The following P2RY8 variants were observed in gnomAD, a reference collection of about 807,000 sequenced individuals.
The protein encoded by P2RY8 is S-geranylgeranyl-glutathione receptor P2RY8.
P2RY8 carries 6 observed loss-of-function variants against 10.0 expected under a neutral mutation model. The ratio of observed to expected loss-of-function variants is 0.60; its 90% confidence interval spans 0.33 to 1.19. P2RY8 has a LOEUF of 1.19. P2RY8 is among the 50% of genes most tolerant of loss of function. P2RY8 has a pLI of 0.04. For missense variants in P2RY8, 456 were observed against 542.0 expected, an observed-to-expected ratio of 0.84 and a Z score of 1.58; for synonymous variants, 276 against 252.5, an observed-to-expected ratio of 1.09 and a Z score of -0.88.
In P2RY8 at chrX:1,500,010, C is replaced by CCACT. The variant is rs1491139613; in HGVS notation, c.-24-33429_-24-33428insAGTG. 1.9e-3 allele frequency among the ~76,000 whole-genome samples: 187 copies of CCACT among 95,912 alleles called. 10 individuals carry two copies. Among genetic ancestry groups the CCACT allele is most frequent in the Admixed American group, 5.0e-3 (39 of 7,724 alleles). 62.9% of individuals were successfully genotyped at this position (95,912 alleles called of 152,430 possible). ...AGTAGCTGGGACTACAGGCGTGTAC[C>CCACT]ACCATGCCCAGCTAATTTTTTGTAT... is the stretch of plus-strand genomic sequence containing the variant. On this transcript the variant is annotated intron_variant, in intron 1 of 1. Coordinates refer to ENST00000381297, the MANE Select transcript of P2RY8 (RefSeq NM_178129.5).
chrX:1,466,868 TTCC>T (rs2091689229), intron 1 of P2RY8, among the ~76,000 whole-genome samples: 1 of 1,046 alleles, frequency 9.6e-4, no homozygotes, highest in South Asian at 0.083. Context: ...TCTTCCCTCC[TTCC>T]TTCCTTCCTT....
intron 1 of P2RY8, among the ~76,000 whole-genome samples, chrX:1,482,525 G>A (rs1419952308): frequency 2.6e-5 from 4 of 152,142 alleles, no homozygotes; most frequent in Non-Finnish European, 4.4e-5. Flanking sequence ...TTTAAAGATC[G>A]TTGCTCTAGA....
chrX:1,515,148 C>A (rs2092336160), intron 1 of P2RY8, among the ~76,000 whole-genome samples: 1 of 149,624 alleles, frequency 6.7e-6, no homozygotes, highest in South Asian at 2.1e-4. Context: ...TAACCTCAAA[C>A]AATCCACCCA....
chrX:1,514,012 G>T (rs2092319823), intron 1 of P2RY8, among the ~76,000 whole-genome samples: 1 of 152,208 alleles, frequency 6.6e-6, no homozygotes, highest in Admixed American at 6.5e-5. Flanking sequence ...CCAGGTTCCA[G>T]GGGGTTAGGG....
intron 1 of P2RY8, among the ~76,000 whole-genome samples, chrX:1,509,440 G>T (rs1175831522): frequency 8.2e-6 from 1 of 121,662 alleles, no homozygotes; most frequent in Non-Finnish European, 1.7e-5. Context: ...TATCATCTAT[G>T]TATCTATGTA....
At chrX:1,493,441 A>AGGAAGGAGGAGGAG (rs2092084128) in intron 1 of P2RY8, among the ~76,000 whole-genome samples, 1 of 17,904 alleles carries the variant, frequency 5.6e-5, no homozygotes, top group African/African-American at 1.6e-4. Flanking sequence ...GGAGGGAAGG[A>AGGAAGGAGGAGGAG]GGAGGAAGGA....
At chrX:1,531,628 G>C (rs1372554796) in intron 1 of P2RY8, among the ~76,000 whole-genome samples, 1 of 152,054 alleles carries the variant, frequency 6.6e-6, no homozygotes, top group Non-Finnish European at 1.5e-5. Context: ...CCCAGCCATG[G>C]AGAGTCTCAT....
chrX:1,481,759 T>C (rs2091938122), intron 1 of P2RY8, among the ~76,000 whole-genome samples: 1 of 152,180 alleles, frequency 6.6e-6, no homozygotes, highest in African/African-American at 2.4e-5. Flanking sequence ...TGTGTTCTAC[T>C]GACTTCAAAG....
intron 1 of P2RY8, among the ~76,000 whole-genome samples, chrX:1,493,757 T>C (rs1271694227): frequency 1.3e-5 from 2 of 152,102 alleles, no homozygotes; most frequent in Non-Finnish European, 2.9e-5. Flanking sequence ...GCTTGCAAAC[T>C]GGGAATCTCC....
intron 1 of P2RY8, among the ~76,000 whole-genome samples, chrX:1,514,835 T>TTCCCTTTTCCTTTCCTTCCCTTCCC (rs1556683910): frequency 0.13 from 2,044 of 16,262 alleles, 446 homozygotes; most frequent in African/African-American, 0.17. Context: ...TTCCCTTTCC[T>TTCCCTTTTCCTTTCCTTCCCTTCCC]TCCCTTTCCC....
At chrX:1,491,611 T>C (rs1308335853) in intron 1 of P2RY8, among the ~76,000 whole-genome samples, 1 of 152,208 alleles carries the variant, frequency 6.6e-6, no homozygotes, top group Non-Finnish European at 1.5e-5. Flanking sequence ...GCACAGCCAA[T>C]GAGTGACGGA....
chrX:1,467,703 G>T (rs577820183), intron 1 of P2RY8, among the ~76,000 whole-genome samples: 2 of 152,242 alleles, frequency 1.3e-5, no homozygotes, highest in Non-Finnish European at 2.9e-5. Flanking sequence ...TAGATATGGG[G>T]TCTTGCCTTG....
At chrX:1,512,411 G>A (rs2092304941) in intron 1 of P2RY8, among the ~76,000 whole-genome samples, 1 of 152,006 alleles carries the variant, frequency 6.6e-6, no homozygotes, top group Non-Finnish European at 1.5e-5. Flanking sequence ...GCCAGGCGTG[G>A]TGGTGGGTAC....
intron 1 of P2RY8, among the ~76,000 whole-genome samples, chrX:1,514,871 C>T (rs182146386): frequency 0.034 from 328 of 9,772 alleles, 28 homozygotes; most frequent in African/African-American, 0.068. Flanking sequence ...CCCTCCCCTT[C>T]CCCTGTCTTC....
chrX:1,491,833 A>G (rs778662708), intron 1 of P2RY8, among the ~76,000 whole-genome samples: 1 of 152,352 alleles, frequency 6.6e-6, no homozygotes, highest in East Asian at 1.9e-4. Context: ...CTGAGAATGC[A>G]GAGCGAATGA....
chrX:1,517,110 CTTAATCT>C (rs1556684483), intron 1 of P2RY8, among the ~76,000 whole-genome samples: 1 of 151,088 alleles, frequency 6.6e-6, no homozygotes, highest in Non-Finnish European at 1.5e-5. Context: ...CTGCCCACAC[CTTAATCT>C]TGGATTTCCA....
intron 1 of P2RY8, among the ~76,000 whole-genome samples, chrX:1,499,882 G>A (rs58537407): frequency 0.034 from 5,099 of 151,728 alleles, 103 homozygotes; most frequent in Middle Eastern, 0.061. Context: ...TTTTTGAGAC[G>A]GAGTCTCGCT....
At chrX:1,472,436 A>C (rs1194878348) in intron 1 of P2RY8, among the ~76,000 whole-genome samples, 2 of 122,618 alleles carry the variant, frequency 1.6e-5, no homozygotes, top group African/African-American at 6.3e-5. Flanking sequence ...GGGTGGGTGG[A>C]TGGATGGATG....
At chrX:1,478,450 G>A (rs1490031880) in intron 1 of P2RY8, among the ~76,000 whole-genome samples, 2 of 151,868 alleles carry the variant, frequency 1.3e-5, no homozygotes, top group Admixed American at 6.6e-5. Context: ...TTCAATATGG[G>A]AAGCTGAAGT....
Sources: allele counts gnomAD v4.1 joint callset (sites outside exome capture counted in the v4.1 genomes callset), GRCh38; gene constraint gnomAD v4.1.1; transcripts MANE v1.5; gene names NCBI Gene and HGNC (gene_info 2026-07-23, HGNC 2026-07-21).